Variants in GRAP2 observed in about 807,000 individuals in gnomAD.
The protein encoded by GRAP2 is GRB2 related adaptor protein 2.
A neutral mutation model predicts 43.5 loss-of-function variants in GRAP2; 31 were observed. The ratio of observed to expected loss-of-function variants is 0.71; its 90% confidence interval spans 0.54 to 0.96. The LOEUF (loss-of-function observed/expected upper bound fraction) is 0.96. Ranked by LOEUF, GRAP2 falls within the 40% of genes least tolerant of loss-of-function variation. GRAP2 has a pLI of 0.00. For synonymous variants in GRAP2, 156 were observed against 164.8 expected (o/e 0.95, Z 0.41); for missense variants, 371 against 424.4 (o/e 0.87, Z 1.11).
At chr22:39,901,888 G>A (rs1196221262) in intron 1 of GRAP2, among the ~76,000 whole-genome samples, 2 of 152,242 alleles carry the variant, frequency 1.3e-5, no homozygotes, top group Non-Finnish European at 2.9e-5. Flanking sequence ...CTAGCCGTTA[G>A]GCTCCATCCC....
At position 39,901,326 on chromosome 22, in the gene GRAP2, A is replaced by G; in HGVS notation, c.-19A>G. On this transcript the variant is annotated 5_prime_UTR_variant, in exon 1 of 8. Transcript: ENST00000344138. ...ACATAAACTCAACCCCTTCTCTTCC[A>G]AAAGGTATGTCATTATACAACATCT... The G allele has an allele frequency of 8.5e-7, 1 of 1,176,178 alleles. No individual in the cohort carries two copies. The highest frequency in any genetic ancestry group is 1.1e-6 in the Non-Finnish European group (1 of 885,550). The allele number at this position is 1,176,178 out of a possible 1,614,324, so 72.9% of individuals were successfully genotyped here. A position where few individuals can be genotyped will look rare whatever the true frequency, so the allele number is the denominator to read the frequency against.
chr22:39,967,556 C>A (rs147760333), intron 5 of GRAP2, among the ~76,000 whole-genome samples: 3 of 152,166 alleles, frequency 2.0e-5, no homozygotes, highest in Non-Finnish European at 4.4e-5. Flanking sequence ...TCCAGCCCGG[C>A]GGCAGGCCTG....
intron 1 of GRAP2, among the ~76,000 whole-genome samples, chr22:39,923,332 A>G (rs891567570): frequency 2.0e-5 from 3 of 152,248 alleles, no homozygotes; most frequent in Admixed American, 2.0e-4. Context: ...TGTATTTCTT[A>G]CTAGCTATTC....
At chr22:39,962,590 G>T (rs1247283811) in intron 4 of GRAP2, among the ~76,000 whole-genome samples, 1 of 152,024 alleles carries the variant, frequency 6.6e-6, no homozygotes, top group Non-Finnish European at 1.5e-5. Flanking sequence ...AGACTGAGGG[G>T]TATCTCTTGG....
At chr22:39,931,567 C>G (rs2066755540) in intron 1 of GRAP2, among the ~76,000 whole-genome samples, 1 of 152,184 alleles carries the variant, frequency 6.6e-6, no homozygotes, top group African/African-American at 2.4e-5. Flanking sequence ...CTGATGACTA[C>G]ACGATGGGAC....
At chr22:39,917,840 A>G (rs2066615475) in intron 1 of GRAP2, among the ~76,000 whole-genome samples, 1 of 152,150 alleles carries the variant, frequency 6.6e-6, no homozygotes, top group South Asian at 2.1e-4. Flanking sequence ...TTGCTCACAT[A>G]TTTGATTCGT....
At position 39,971,967 on chromosome 22, in the gene GRAP2, A is replaced by T. The variant is rs1204723549; in HGVS notation, c.*883A>T. 6.6e-6 allele frequency: 1 copy of T among 152,164 alleles called. No homozygotes were observed. Among genetic ancestry groups the T allele is most frequent in the Admixed American group, 6.5e-5 (1 of 15,276 alleles). 9.4% of individuals were successfully genotyped at this position (152,164 alleles called of 1,614,324 possible). On this transcript the variant is annotated 3_prime_UTR_variant, in exon 8 of 8. Transcript: ENST00000344138. ...AGGGTATGTCTTCAGGGCTCTGTTC[A>T]TTTTCCCTCTTGATTTTCTCTTTTG...
chr22:39,933,490 G>T (rs2066776341), intron 1 of GRAP2, among the ~76,000 whole-genome samples: 3 of 152,276 alleles, frequency 2.0e-5, no homozygotes, highest in South Asian at 4.1e-4. Context: ...GATCTGGGAG[G>T]TCATGTGACA....
At chr22:39,951,370 T>C (rs189484559) in intron 2 of GRAP2, among the ~76,000 whole-genome samples, 2 of 152,372 alleles carry the variant, frequency 1.3e-5, no homozygotes, top group African/African-American at 2.4e-5. Flanking sequence ...CCTTCTGTAA[T>C]GCAGCTAATG....
intron 1 of GRAP2, among the ~76,000 whole-genome samples, chr22:39,929,235 GTAC>G (rs2066733443): frequency 6.6e-6 from 1 of 152,110 alleles, no homozygotes; most frequent in Non-Finnish European, 1.5e-5. Flanking sequence ...GGGGACCTCT[GTAC>G]TATTTTTGCA....
chr22:39,947,367 G>A (rs1286019389), intron 2 of GRAP2, 183 bp downstream of exon 2: 5 of 592,848 alleles, frequency 8.4e-6, no homozygotes, highest in African/African-American at 1.9e-5. Flanking sequence ...AATACAGTCG[G>A]CATAAGCCAC....
intron 5 of GRAP2, among the ~76,000 whole-genome samples, chr22:39,966,668 A>G (rs910416057): frequency 2.0e-5 from 3 of 152,190 alleles, no homozygotes; most frequent in Admixed American, 6.6e-5. Flanking sequence ...TAGGGAGGAC[A>G]TGGGAGGAGA....
chr22:39,968,384 AC>A (rs1432358567), intron 6 of GRAP2, 112 bp downstream of exon 6: 5 of 1,280,578 alleles, frequency 3.9e-6, no homozygotes, highest in East Asian at 2.3e-5. Flanking sequence ...AAGACCCTGG[AC>A]CCCCCCAAAT....
intron 1 of GRAP2, among the ~76,000 whole-genome samples, chr22:39,940,657 G>A (rs2066859032): frequency 6.6e-6 from 1 of 152,062 alleles, no homozygotes; most frequent in African/African-American, 2.4e-5. Flanking sequence ...TTTCAATACA[G>A]GATCATTAAC....
intron 1 of GRAP2, among the ~76,000 whole-genome samples, chr22:39,945,592 G>A (rs1312322482): frequency 6.6e-6 from 1 of 152,158 alleles, no homozygotes; most frequent in East Asian, 1.9e-4. Context: ...GAAACTTAGG[G>A]AAATTTTGAT....
intron 3 of GRAP2, among the ~76,000 whole-genome samples, chr22:39,957,009 G>C (rs932408543): frequency 1.2e-4 from 19 of 152,128 alleles, no homozygotes; most frequent in African/African-American, 4.6e-4. Flanking sequence ...AATGAGAGAA[G>C]TCAGCGGGGG....
Position 39,968,358 on chromosome 22 carries a change from C to A in GRAP2, c.690+86C>A, listed in dbSNP as rs2067197684. ...GGCCTGGCCCAGCCTCTTGAGTTCT[C>A]AGAGAGTTCATGATGAAGACCCTGG... On this transcript the variant is annotated intron_variant, in intron 6 of 7. Coordinates refer to ENST00000344138, the MANE Select transcript of GRAP2 (RefSeq NM_004810.4). The A allele has an allele frequency of 2.0e-6, 3 of 1,505,472 alleles. No individual in the cohort carries two copies. In the South Asian group the frequency reaches 3.8e-5, roughly 19 times the overall value. 93.3% of individuals were successfully genotyped at this position (1,505,472 alleles called of 1,614,324 possible).
chr22:39,943,706 C>T (rs1286643374), intron 1 of GRAP2, among the ~76,000 whole-genome samples: 1 of 151,212 alleles, frequency 6.6e-6, no homozygotes, highest in Admixed American at 6.6e-5. Context: ...TAAAAAGGGG[C>T]CTCTCTTTTC....
At position 39,968,134 on chromosome 22, in the gene GRAP2, G is replaced by T; in HGVS notation, c.552G>T (p.Arg184=). The change falls in exon 6 of 8, where the codon CGG becomes CGT. Residue 184 remains arginine (R), a synonymous_variant. Coordinates refer to ENST00000344138, the MANE Select transcript of GRAP2 (RefSeq NM_004810.4). ...AAGAAATCCGACCTTCGATGAACCGGAAGCTGTCGGATCACCCCCCGACCC... is the reference window on the plus strand; with the variant it reads ...AAGAAATCCGACCTTCGATGAACCGTAAGCTGTCGGATCACCCCCCGACCC... ...VGEEIRPSMN[R]KLSDHPPTLP... The T allele has an allele frequency of 6.2e-7, 1 of 1,607,430 alleles. No individual in the cohort carries two copies.
Sources: gnomAD v4.1 joint callset for allele counts (sites outside exome capture counted in the v4.1 genomes callset) on GRCh38, gnomAD v4.1.1 for gene constraint, MANE v1.5 for transcripts, NCBI Gene and HGNC (gene_info 2026-07-23, HGNC 2026-07-21) for gene names.